Variants in RINT1 observed in about 807,000 individuals in gnomAD.
The protein encoded by RINT1 is RAD50-interacting protein 1.
In RINT1, 75 loss-of-function variants were observed where a neutral mutation model predicts 97.7. The ratio of observed to expected loss-of-function variants is 0.77; its 90% confidence interval spans 0.64 to 0.93. The LOEUF is 0.93. Ranked by LOEUF, RINT1 falls within the 40% of genes least tolerant of loss-of-function variation. The pLI, the probability that RINT1 is intolerant of heterozygous loss-of-function variation, is 0.00. For synonymous variants in RINT1, 303 were observed against 326.3 expected, an observed-to-expected ratio of 0.93 and a Z score of 0.77; for missense variants, 892 against 925.2, an observed-to-expected ratio of 0.96 and a Z score of 0.47.
At chr7:105,545,813 CT>C (rs1790643709) in intron 4 of RINT1, among the ~76,000 whole-genome samples, 1 of 139,002 alleles carries the variant, frequency 7.2e-6, no homozygotes, top group Non-Finnish European at 1.5e-5. Context: ...CGCCTGGCCT[CT>C]TTTTCTTTGA....
At chr7:105,532,572 G>C (rs1790077597) in intron 1 of RINT1, among the ~76,000 whole-genome samples, 1 of 152,308 alleles carries the variant, frequency 6.6e-6, no homozygotes, top group South Asian at 2.1e-4. Context: ...GATTTCTCTA[G>C]GGAGGTGGCT....
At chr7:105,557,264 C>T (rs1279211696) in intron 11 of RINT1, among the ~76,000 whole-genome samples, 2 of 151,718 alleles carry the variant, frequency 1.3e-5, no homozygotes, top group Non-Finnish European at 2.9e-5. Context: ...TAACTAAAGA[C>T]TTAAATATAC....
chr7:105,563,638 T>G, intron 11 of RINT1, 95 bp from the exon 12 acceptor site: 1 of 1,084,262 alleles, frequency 9.2e-7, no homozygotes, highest in African/African-American at 1.6e-5. Flanking sequence ...GGTCGAATTA[T>G]ACACTTTAAA....
chr7:105,551,547 T>G (rs769777176), intron 9 of RINT1, 23 bp from the exon 10 acceptor site: 1 of 1,564,178 alleles, frequency 6.4e-7, no homozygotes, highest in South Asian at 1.2e-5. Flanking sequence ...TTAATTGACA[T>G]AATTGTTTTG....
intron 11 of RINT1, among the ~76,000 whole-genome samples, chr7:105,558,184 A>C (rs1791268586): frequency 6.6e-6 from 1 of 151,636 alleles, no homozygotes; most frequent in Non-Finnish European, 1.5e-5. Context: ...AATCCCAGCT[A>C]CTCAGGAGGC....
chr7:105,539,994 T>A (rs1490881763), intron 3 of RINT1, among the ~76,000 whole-genome samples: 1 of 152,182 alleles, frequency 6.6e-6, no homozygotes, highest in Non-Finnish European at 1.5e-5. Context: ...TATTCTATAA[T>A]GTTCTTTGTA....
intron 2 of RINT1, among the ~76,000 whole-genome samples, chr7:105,533,540 T>C (rs534316039): frequency 1.8e-4 from 27 of 152,336 alleles, no homozygotes; most frequent in South Asian, 1.2e-3. Flanking sequence ...ATAGCTCTGC[T>C]ATTGGGATTT....
At chr7:105,567,018 G>A (rs1238059454) in intron 14 of RINT1, 101 bp from the exon 15 acceptor site, 2 of 597,808 alleles carry the variant, frequency 3.3e-6, no homozygotes, top group East Asian at 5.9e-5. Flanking sequence ...GAGAACATGT[G>A]GACCAGCAGT....
intron 11 of RINT1, among the ~76,000 whole-genome samples, chr7:105,559,656 G>A (rs1446215013): frequency 6.6e-6 from 1 of 151,988 alleles, no homozygotes; most frequent in African/African-American, 2.4e-5. Context: ...GGAGGCAGAG[G>A]TTGCAGTGAG....
chr7:105,562,247 G>A (rs1206431126), intron 11 of RINT1, among the ~76,000 whole-genome samples: 2 of 152,020 alleles, frequency 1.3e-5, no homozygotes, highest in African/African-American at 2.4e-5. Context: ...TGGCAGTTCC[G>A]CAAACTGTTT....
intron 3 of RINT1, among the ~76,000 whole-genome samples, chr7:105,541,362 C>G (rs1197207478): frequency 1.3e-5 from 2 of 151,498 alleles, no homozygotes; most frequent in Admixed American, 1.3e-4. Context: ...GTCTTGAACT[C>G]CTGACCTCAA....
Position 105,563,960 on chromosome 7 carries a change from T to C in RINT1, c.1886+13T>C, listed in dbSNP as rs1791569399. The C allele has an allele frequency of 1.9e-6, 3 of 1,588,038 alleles. No individual in the cohort carries two copies. Among genetic ancestry groups the C allele is most frequent in the Non-Finnish European group, 1.7e-6 (2 of 1,157,320 alleles). The stretch of plus-strand genomic sequence containing the variant: ...ATAAAAAAGAAAGGTATGTCCTCTA[T>C]GTAAGTCAGCTCTTAACACCAGTTT... On this transcript the variant is annotated intron_variant, in intron 12 of 14. Coordinates refer to ENST00000257700, the MANE Select transcript of RINT1 (RefSeq NM_021930.6).
At chr7:105,536,796 A>C (rs757925670) in intron 3 of RINT1, 47 bp downstream of exon 3, 28 of 1,143,662 alleles carry the variant, frequency 2.4e-5, no homozygotes, top group Non-Finnish European at 3.0e-5. Flanking sequence ...AATACTTTTA[A>C]CAATATAATA....
chr7:105,541,102 T>C (rs1410687475), intron 3 of RINT1, among the ~76,000 whole-genome samples: 1 of 151,546 alleles, frequency 6.6e-6, no homozygotes, highest in Non-Finnish European at 1.5e-5. Flanking sequence ...CCTCCCAAAG[T>C]GCTGGGATTA....
At chr7:105,534,187 G>A (rs994169630) in intron 2 of RINT1, among the ~76,000 whole-genome samples, 3 of 151,652 alleles carry the variant, frequency 2.0e-5, no homozygotes, top group Non-Finnish European at 4.4e-5. Context: ...CCCCTGCCTC[G>A]GCCTCCTCAG....
chr7:105,532,457 C>A, intron 1 of RINT1, 100 bp downstream of exon 1: 1 of 1,327,754 alleles, frequency 7.5e-7, no homozygotes, highest in Non-Finnish European at 1.0e-6. Context: ...GCCCTGTAAG[C>A]TTGTGAAGGT....
rs993893425 is a variant in RINT1 at position 105,546,348 on chromosome 7, C to T, written c.516-562C>T. Among the ~76,000 whole-genome samples, 7 of 152,100 alleles carry T rather than the reference C, an allele frequency of 4.6e-5. No homozygotes were observed. The South Asian group carries it at 8.3e-4, about 18-fold the overall frequency. On this transcript the variant is annotated intron_variant, in intron 4 of 14. Transcript: ENST00000257700. ...AGGAGGAGTAGGAAGGGAAAGGTCC[C>T]GGGAGAGGTCTTGAACATAGGCTGC...
At chr7:105,535,641 C>G in intron 2 of RINT1, 1 of 446,980 alleles carries the variant, frequency 2.2e-6, no homozygotes, top group Non-Finnish European at 4.5e-6. Flanking sequence ...CAGCCTCCAT[C>G]TCCCAGGCTG....
intron 14 of RINT1, 65 bp from the exon 15 acceptor site, chr7:105,567,054 A>C: frequency 9.4e-7 from 1 of 1,061,310 alleles, no homozygotes; most frequent in Non-Finnish European, 1.3e-6. Flanking sequence ...AGGATTCTCA[A>C]AATTGTAATA....
Sources: gnomAD v4.1 joint callset for allele counts (sites outside exome capture counted in the v4.1 genomes callset) on GRCh38, gnomAD v4.1.1 for gene constraint, MANE v1.5 for transcripts, NCBI Gene and HGNC (gene_info 2026-07-23, HGNC 2026-07-21) for gene names.